ERGIC2: variants seen among roughly 807,000 people sequenced by gnomAD.
ERGIC2 encodes the protein ERGIC and golgi 2.
A neutral mutation model predicts 52.5 loss-of-function variants in ERGIC2; 31 were observed. That is an observed-to-expected ratio of 0.59 (90% confidence interval 0.44 to 0.80). The LOEUF (loss-of-function observed/expected upper bound fraction) is 0.80, where lower values mean the gene tolerates loss of function less well. ERGIC2 is among the 30% of genes least tolerant of loss of function. The pLI, the probability that ERGIC2 is intolerant of heterozygous loss-of-function variation, is 0.00. For missense variants in ERGIC2, 395 were observed against 455.2 expected (o/e 0.87, Z 1.20); for synonymous variants, 129 against 140.6 (o/e 0.92, Z 0.58).
chr12:29,344,955 A>T (rs535530669), intron 11 of ERGIC2, among the ~76,000 whole-genome samples: 2 of 152,324 alleles, frequency 1.3e-5, no homozygotes, highest in Admixed American at 6.5e-5. Context: ...AATGTTCTTC[A>T]TCACAATCAG....
At position 29,361,625 on chromosome 12, in the gene ERGIC2, A is replaced by G; in HGVS notation, c.374+20T>C. The G allele has an allele frequency of 1.9e-6, 3 of 1,585,534 alleles. No homozygotes were observed. The highest frequency in any genetic ancestry group is 2.6e-6 in the Non-Finnish European group (3 of 1,162,326). ...ATGACTTAGATTTCTATGGACCACA[A>G]TACTTTGTTCTCTTATTACCTCTGC... On this transcript the variant is annotated intron_variant, in intron 6 of 13. Coordinates refer to ENST00000360150, the MANE Select transcript of ERGIC2 (RefSeq NM_016570.3).
chr12:29,349,907 AAT>A (rs781093765), intron 9 of ERGIC2, 104 bp downstream of exon 9: 124 of 653,852 alleles, frequency 1.9e-4, no homozygotes, highest in Middle Eastern at 4.1e-4. Flanking sequence ...CCTTTGGATG[AAT>A]ATGTTTTCAA....
chr12:29,357,054 C>T (rs975142282), intron 7 of ERGIC2, among the ~76,000 whole-genome samples: 1 of 151,572 alleles, frequency 6.6e-6, no homozygotes, highest in Admixed American at 6.6e-5. Context: ...TGTAACCCCG[C>T]CTCCTGGGTT....
At chr12:29,374,762 C>T (rs1354001821) in intron 1 of ERGIC2, among the ~76,000 whole-genome samples, 1 of 152,162 alleles carries the variant, frequency 6.6e-6, no homozygotes, top group Non-Finnish European at 1.5e-5. Context: ...CTGAGAAATT[C>T]CTTATGTCCA....
intron 5 of ERGIC2, among the ~76,000 whole-genome samples, chr12:29,362,078 G>C (rs531014121): frequency 6.6e-6 from 1 of 152,154 alleles, no homozygotes; most frequent in East Asian, 1.9e-4. Flanking sequence ...AATTCTTGCT[G>C]GTAAAATACA....
chr12:29,364,684 G>A (rs1940334081), intron 5 of ERGIC2, among the ~76,000 whole-genome samples: 1 of 152,052 alleles, frequency 6.6e-6, no homozygotes, highest in Non-Finnish European at 1.5e-5. Flanking sequence ...CCTACAGAAT[G>A]TGAGAAAATA....
In ERGIC2 at chr12:29,341,828, A is replaced by G; in HGVS notation, c.989-12T>C. On this transcript the variant is annotated splice_polypyrimidine_tract_variant and intron_variant, in intron 12 of 13. Coordinates refer to ENST00000360150, the MANE Select transcript of ERGIC2 (RefSeq NM_016570.3). ...TCCATGTAACATGCCTGTAATAAAC[A>G]ATAAGTTTATGCTTTTAATTATTTC... 1 of 1,290,656 alleles carries G rather than the reference A, an allele frequency of 7.7e-7. No homozygotes were observed. The highest frequency in any genetic ancestry group is 1.1e-6 in the Non-Finnish European group (1 of 886,582). 80.0% of individuals were successfully genotyped at this position (1,290,656 alleles called of 1,614,324 possible).
chr12:29,353,539 T>C (rs1940161570), intron 8 of ERGIC2, among the ~76,000 whole-genome samples: 1 of 152,130 alleles, frequency 6.6e-6, no homozygotes, highest in Non-Finnish European at 1.5e-5. Context: ...CTCTTAAGCA[T>C]TTCCTTTGAG....
intron 2 of ERGIC2, among the ~76,000 whole-genome samples, chr12:29,370,622 C>T (rs1406717625): frequency 6.6e-6 from 1 of 151,856 alleles, no homozygotes; most frequent in African/African-American, 2.4e-5. Context: ...ATTAAAAATG[C>T]ATCCATGTCT....
rs1435857991 is a variant in ERGIC2, at chr12:29,356,408, T to C, written c.546A>G (p.Ala182=). 12 of 1,594,330 alleles carry C rather than the reference T, an allele frequency of 7.5e-6. No individual in the cohort carries two copies. Among genetic ancestry groups the C allele is most frequent in the African/African-American group, 1.3e-5 (1 of 74,480 alleles). The change falls in exon 8 of 14, where the codon GCA becomes GCG. Residue 182 remains alanine, a synonymous_variant. Coordinates refer to ENST00000360150, the MANE Select transcript of ERGIC2 (RefSeq NM_016570.3). ...IHGHLYVNKV[A]GNFHITVGKA... is the part of the protein sequence containing the mutation. The stretch of plus-strand genomic sequence containing the variant: ...TGCCCACTGTTATGTGAAAATTCCC[T>C]GCTACTTTATTGACATATAGATGGC...
intron 4 of ERGIC2, 143 bp downstream of exon 4, chr12:29,368,098 T>C: frequency 3.2e-6 from 2 of 629,914 alleles, no homozygotes; most frequent in East Asian, 3.0e-5. Context: ...AGTAAAACAA[T>C]TTGTATTATT....
At chr12:29,370,040 T>C (rs1940419358) in intron 3 of ERGIC2, 74 bp downstream of exon 3, 1 of 1,309,200 alleles carries the variant, frequency 7.6e-7, no homozygotes, top group Non-Finnish European at 9.9e-7. Flanking sequence ...TTAGACTTTT[T>C]CTTTTTTAAA....
intron 11 of ERGIC2, 141 bp downstream of exon 11, chr12:29,345,302 T>C: frequency 1.6e-6 from 1 of 617,420 alleles, no homozygotes; most frequent in Non-Finnish European, 2.9e-6. Flanking sequence ...AAATAAAATG[T>C]TAATTCATTT....
intron 7 of ERGIC2, among the ~76,000 whole-genome samples, chr12:29,357,102 G>T (rs914127298): frequency 4.6e-5 from 7 of 151,994 alleles, no homozygotes; most frequent in African/African-American, 1.2e-4. Flanking sequence ...AAGTAGCTGG[G>T]ACTGCATACA....
intron 3 of ERGIC2, 105 bp from the exon 4 acceptor site, chr12:29,368,392 A>T (rs1358092486): frequency 1.3e-5 from 8 of 616,592 alleles, no homozygotes; most frequent in Non-Finnish European, 2.0e-5. Context: ...AGCAGAATAA[A>T]TTATGTCGAT....
At chr12:29,358,696 C>T (rs1168344194) in intron 6 of ERGIC2, among the ~76,000 whole-genome samples, 1 of 152,008 alleles carries the variant, frequency 6.6e-6, no homozygotes. Flanking sequence ...AAAATACATA[C>T]ATGTAACTTG....
At chr12:29,376,463 C>A (rs1186701681) in intron 1 of ERGIC2, among the ~76,000 whole-genome samples, 1 of 152,188 alleles carries the variant, frequency 6.6e-6, no homozygotes, top group Non-Finnish European at 1.5e-5. Flanking sequence ...CTATAGCATT[C>A]ATTCACAATA....
intron 11 of ERGIC2, 110 bp from the exon 12 acceptor site, chr12:29,343,392 AAAG>A (rs1268276874): frequency 7.2e-6 from 5 of 694,640 alleles, no homozygotes; most frequent in East Asian, 2.8e-5. Context: ...CCCTACTGTA[AAAG>A]AAGGACATCC....
chr12:29,361,063 A>G (rs543569920), intron 6 of ERGIC2, among the ~76,000 whole-genome samples: 103 of 152,292 alleles, frequency 6.8e-4, no homozygotes, highest in African/African-American at 2.4e-3. Flanking sequence ...CCTAGTCAAC[A>G]TGGTGAAACC....
Sources: gnomAD v4.1 joint callset for allele counts (sites outside exome capture counted in the v4.1 genomes callset) on GRCh38, gnomAD v4.1.1 for gene constraint, MANE v1.5 for transcripts, NCBI Gene and HGNC (gene_info 2026-07-23, HGNC 2026-07-21) for gene names.